Variants in USP35 observed in about 807,000 individuals in gnomAD.
USP35 encodes ubiquitin carboxyl-terminal hydrolase 35.
A neutral mutation model predicts 83.8 loss-of-function variants in USP35; 69 were observed. The observed-to-expected ratio is 0.82, with a 90% CI of 0.68 to 1.01. USP35 has a LOEUF of 1.01. Among genes scored for constraint, USP35 ranks in the 50% least tolerant of loss-of-function variants. The probability of loss-of-function intolerance (pLI) is 0.00; values close to 1 mark genes in which losing one functional copy is unlikely to be tolerated. For missense variants in USP35, 1,503 were observed against 1,362.5 expected (o/e 1.10, Z -1.62); for synonymous variants, 714 against 589.5 (o/e 1.21, Z -3.06).
Position 78,196,207 on chromosome 11 carries a change from G to A in USP35, c.-10-29G>A, listed in dbSNP as rs748028989. On this transcript the variant is annotated intron_variant, in intron 1 of 10. Coordinates refer to ENST00000529308, the MANE Select transcript of USP35 (RefSeq NM_020798.4). This position sits in a 1 kb window ranked among gnomAD's most constrained non-coding sequence, Gnocchi z 4.8. ...AACTCTTGAGCCCCGCGGTTGTCGG[G>A]CTGTGACCTCATTCCCTGTCCTCCG... The A allele has an allele frequency of 8.3e-6, 13 of 1,561,948 alleles. No homozygotes were observed. The African/African-American group carries it at 9.8e-5, about 12-fold the overall frequency.
At chr11:78,231,325 C>T in the USP35 span, among the ~76,000 whole-genome samples, 10 of 117,340 alleles carry the variant, frequency 8.5e-5, no homozygotes, top group South Asian at 5.4e-4. Context: ...GGTGCGCGCG[C>T]GCGCGTGTGT....
At chr11:78,223,205 G>A in the USP35 span, among the ~76,000 whole-genome samples, 1 of 152,170 alleles carries the variant, frequency 6.6e-6, no homozygotes, top group East Asian at 1.9e-4. Flanking sequence ...ATGTACCAAA[G>A]TACTATCCTA....
In USP35 at chr11:78,210,027, AAAG is replaced by A; in HGVS notation, c.2173_2175del (p.Lys725del). ...AAGAGAAGGTGGAGAAGGAGACAGA[AAAG>A]GAGGCTGAGCAGGAAAAGGAAGAAG... On this transcript the variant is annotated inframe_deletion, in exon 10 of 11. Transcript: ENST00000529308. 2 of 1,613,686 alleles carry A rather than the reference AAAG, an allele frequency of 1.2e-6. No homozygotes were observed. The highest frequency in any genetic ancestry group is 8.5e-7 in the Non-Finnish European group (1 of 1,179,836).
At chr11:78,206,653 C>T (rs1264381494) in intron 7 of USP35, among the ~76,000 whole-genome samples, 1 of 152,168 alleles carries the variant, frequency 6.6e-6, no homozygotes, top group Non-Finnish European at 1.5e-5. Context: ...TTTCTAATTC[C>T]AGTCTGCTGC....
intron 6 of USP35, 58 bp from the exon 7 acceptor site, chr11:78,205,784 G>GT: frequency 6.4e-7 from 1 of 1,553,126 alleles, no homozygotes; most frequent in Non-Finnish European, 8.7e-7. Context: ...AGAGGTGGTA[G>GT]TTTTTTGAGC....
In USP35 at chr11:78,214,888, ACTTAC is replaced by A. The variant is rs1184265122; in HGVS notation, c.*1081_*1085del. On this transcript the variant is annotated 3_prime_UTR_variant, in exon 11 of 11. Transcript: ENST00000529308. ...AGTAAACGTGTGGACTGACTGACTT[ACTTAC>A]CTTACTGAGGGCTGGGTGATGCTGC... is the stretch of plus-strand genomic sequence containing the variant. Among the ~76,000 whole-genome samples the A allele has an allele frequency of 3.6e-5, 3 of 82,744 alleles. No homozygotes were observed. The highest frequency in any genetic ancestry group is 2.2e-4 in the African/African-American group (3 of 13,550). 54.3% of individuals were successfully genotyped at this position (82,744 alleles called of 152,430 possible). A position where few individuals can be genotyped will look rare whatever the true frequency, so the allele number is the denominator to read the frequency against.
Position 78,196,738 on chromosome 11 carries a change from T to C in USP35, c.493T>C (p.Cys165Arg). ...CGACGGACCCCACCGCCTGCTCTTC[T>C]GCCAGCAGCTGGTGCGTTGCCTCGG... Reference protein sequence around the residue: ...VPDGPHRLLFCQQLVRCLGRF... With the variant: ...VPDGPHRLLFRQQLVRCLGRF... Residue 165 changes from cysteine (C) to arginine (R), a missense_variant, in exon 2 of 11, where the codon TGC becomes CGC. Physicochemically the swap from Cys to Arg is radical, Grantham distance 180. Transcript: ENST00000529308. This position sits in a 1 kb window ranked among gnomAD's most constrained non-coding sequence, Gnocchi z 4.8. The C allele has an allele frequency of 6.5e-7, 1 of 1,531,670 alleles. No homozygotes were observed. The highest frequency in any genetic ancestry group is 8.7e-7 in the Non-Finnish European group (1 of 1,145,274). The allele number at this position is 1,531,670 out of a possible 1,614,324, so 94.9% of individuals were successfully genotyped here.
the USP35 span, chr11:78,223,690 C>T: frequency 5.1e-6 from 8 of 1,571,318 alleles, no homozygotes; most frequent in Non-Finnish European, 6.0e-6. Context: ...GGGAGAGGAA[C>T]AGTGAAAGAA....
At chr11:78,200,526 G>A in intron 5 of USP35, 124 bp from the exon 6 acceptor site, 1 of 1,396,060 alleles carries the variant, frequency 7.2e-7, no homozygotes, top group Non-Finnish European at 9.6e-7. Context: ...TGGGTCAGGG[G>A]ACAGTGGTCA....
intron 1 of USP35, among the ~76,000 whole-genome samples, chr11:78,191,925 GCTCCGCCT>G (rs1863017780): frequency 6.7e-6 from 1 of 148,858 alleles, no homozygotes; most frequent in African/African-American, 2.5e-5. Flanking sequence ...CTCACTGCAA[GCTCCGCCT>G]CCTGGGTTCA....
chr11:78,209,041 T>G, intron 9 of USP35, 78 bp downstream of exon 9: 38 of 1,428,128 alleles, frequency 2.7e-5, no homozygotes, highest in Non-Finnish European at 3.5e-5. Flanking sequence ...TGAGCTGTGT[T>G]GCAGCGTCCA....
chr11:78,219,125 A>G, downstream of USP35: 1 of 729,112 alleles, frequency 1.4e-6, no homozygotes, highest in South Asian at 1.9e-5. Flanking sequence ...GGAAGGGTTC[A>G]GGGTCCCTGA....
Position 78,210,430 on chromosome 11 carries a change from G to T in USP35, c.2575G>T (p.Glu859Ter). The change falls in exon 10 of 11, where the codon GAG becomes TAG. Residue 859 changes from glutamate (E) to a stop codon, truncating the protein, a stop_gained. Transcript: ENST00000529308. LOFTEE classifies it high-confidence loss of function. ...SVVVHSGVSSESGHYYCYARE... is the reference protein window; with the variant it reads ...SVVVHSGVSS ...GGTGGTGCACTCTGGAGTGTCTTCG[G>T]AGAGTGGTCACTACTACTGCTATGC... 3.1e-6 allele frequency: 5 copies of T among 1,614,156 alleles called. No homozygotes were observed. The highest frequency in any genetic ancestry group is 4.2e-6 in the Non-Finnish European group (5 of 1,180,048).
At chr11:78,204,101 G>A (rs945009127) in intron 6 of USP35, among the ~76,000 whole-genome samples, 5 of 150,946 alleles carry the variant, frequency 3.3e-5, no homozygotes, top group Non-Finnish European at 7.4e-5. Context: ...CGTTTTAGCC[G>A]GGATGGTCTC....
intron 4 of USP35, 107 bp from the exon 5 acceptor site, chr11:78,200,026 C>A: frequency 8.1e-7 from 1 of 1,230,236 alleles, no homozygotes; most frequent in Non-Finnish European, 1.2e-6. Flanking sequence ...GATCCCTCTG[C>A]ATGGGTTTGA....
chr11:78,220,823 C>G, the USP35 span, among the ~76,000 whole-genome samples: 1 of 152,212 alleles, frequency 6.6e-6, no homozygotes, highest in Non-Finnish European at 1.5e-5. Context: ...AGTGGCTCTC[C>G]TGAGACATCC....
chr11:78,205,903 C>T lies in USP35; in HGVS notation c.1259C>T (p.Ser420Leu), dbSNP rs562246864. 3.1e-5 allele frequency: 50 copies of T among 1,614,270 alleles called. No individual in the cohort carries two copies. The highest frequency in any genetic ancestry group is 3.6e-5 in the Non-Finnish European group (43 of 1,180,044). The change falls in exon 7 of 11, where the codon TCG becomes TTG. Residue 420 changes from serine (S) to leucine (L), a missense_variant. Coordinates refer to ENST00000529308, the MANE Select transcript of USP35 (RefSeq NM_020798.4). ...CTGCTGGGGCAGGATGCCTGGACTT[C>T]GCAGAAGAGCGAGCTGGCGGGTTTC... Reference protein sequence around the residue: ...KQLLGQDAWTSQKSELAGFYP... With the variant: ...KQLLGQDAWTLQKSELAGFYP...
In USP35 at chr11:78,209,774, C is replaced by G. The variant is rs143714073; in HGVS notation, c.1919C>G (p.Pro640Arg). The change falls in exon 10 of 11, where the codon CCT (proline) becomes CGT (arginine). Residue 640 changes from proline to arginine, a missense_variant. Coordinates refer to ENST00000529308, the MANE Select transcript of USP35 (RefSeq NM_020798.4). Reference sequence around the variant, plus strand: ...GCACAGGGGCCAGGCAGGGTGGGTCCTCGGAGGCAAAGGAAACACTGCATC... The same window carrying G: ...GCACAGGGGCCAGGCAGGGTGGGTCGTCGGAGGCAAAGGAAACACTGCATC... ...TSAQGPGRVGPRRQRKHCITE... is the reference protein window; with the variant it reads ...TSAQGPGRVGRRRQRKHCITE... 1 of 1,613,982 alleles carries G rather than the reference C, an allele frequency of 6.2e-7. No individual in the cohort carries two copies.
At chr11:78,191,067 C>T (rs894952894) in intron 1 of USP35, among the ~76,000 whole-genome samples, 2 of 152,088 alleles carry the variant, frequency 1.3e-5, no homozygotes, top group East Asian at 1.9e-4. Context: ...CTCCATCTGA[C>T]GATGCTGCAT....
Sources: allele counts gnomAD v4.1 joint callset (sites outside exome capture counted in the v4.1 genomes callset), GRCh38; gene constraint gnomAD v4.1.1; non-coding constraint Gnocchi (gnomAD v3.1); transcripts MANE v1.5; gene names NCBI Gene and HGNC (gene_info 2026-07-23, HGNC 2026-07-21).